STAC: variants seen among roughly 807,000 people sequenced by gnomAD.
STAC encodes the protein SH3 and cysteine-rich domain-containing protein.
In STAC, 43 loss-of-function variants were observed where a neutral mutation model predicts 48.8. The observed-to-expected ratio is 0.88, with a 90% confidence interval of 0.69 to 1.14. The LOEUF is 1.14. Among genes scored for constraint, STAC ranks in the 50% most tolerant of loss-of-function variants. The pLI, the probability that STAC is intolerant of heterozygous loss-of-function variation, is 0.00. For missense variants in STAC, 497 were observed against 504.0 expected, an observed-to-expected ratio of 0.99 and a Z score of 0.13; for synonymous variants, 193 against 179.5, an observed-to-expected ratio of 1.07 and a Z score of -0.60.
intron 10 of STAC, among the ~76,000 whole-genome samples, chr3:36,532,931 T>C (rs1359962034): frequency 6.6e-6 from 1 of 152,228 alleles, no homozygotes; most frequent in Non-Finnish European, 1.5e-5. Context: ...ACATGCCCTG[T>C]GAATTTTATG....
chr3:36,471,078 G>A (rs540409619), intron 2 of STAC, among the ~76,000 whole-genome samples: 108 of 152,172 alleles, frequency 7.1e-4, no homozygotes, highest in Admixed American at 2.2e-3. Flanking sequence ...ACCCGAAACT[G>A]GGAAGAAAAA....
intron 2 of STAC, among the ~76,000 whole-genome samples, chr3:36,453,115 A>G (rs1349879367): frequency 6.6e-6 from 1 of 152,262 alleles, no homozygotes; most frequent in East Asian, 1.9e-4. Context: ...GACTTTGGTC[A>G]TCGTACTACC....
At chr3:36,433,671 T>G (rs1219098528) in intron 1 of STAC, among the ~76,000 whole-genome samples, 1 of 152,186 alleles carries the variant, frequency 6.6e-6, no homozygotes, top group Non-Finnish European at 1.5e-5. Flanking sequence ...ATTTAAAGTC[T>G]TTTGTATTTT....
chr3:36,459,385 T>C (rs759770763), intron 2 of STAC: 2 of 152,142 alleles, frequency 1.3e-5, no homozygotes, highest in Non-Finnish European at 1.5e-5. Flanking sequence ...GAGTTGGGTA[T>C]TGAAGGATGA....
chr3:36,465,553 G>T (rs912682018), intron 2 of STAC, among the ~76,000 whole-genome samples: 10 of 152,006 alleles, frequency 6.6e-5, no homozygotes, highest in Non-Finnish European at 1.3e-4. Context: ...ATCTAGAAGG[G>T]TTTTTCCAAT....
At chr3:36,528,346 G>A (rs1698985212) in intron 8 of STAC, among the ~76,000 whole-genome samples, 1 of 151,978 alleles carries the variant, frequency 6.6e-6, no homozygotes, top group South Asian at 2.1e-4. Context: ...GCAGATGCCT[G>A]TAATCCCAGC....
rs1359359552 is a variant in STAC at position 36,508,491 on chromosome 3, C to T, written c.920+2657C>T. On this transcript the variant is annotated intron_variant, in intron 8 of 10. Coordinates refer to ENST00000273183, the MANE Select transcript of STAC (RefSeq NM_003149.3). Reference sequence around the variant, plus strand: ...GAAGATCCTTGTTAATTTTCTGTCTCATTGATCTGTCTAATATTTACAGTG... The same window carrying T: ...GAAGATCCTTGTTAATTTTCTGTCTTATTGATCTGTCTAATATTTACAGTG... Among the ~76,000 whole-genome samples the T allele has an allele frequency of 7.2e-5, 11 of 152,216 alleles. No homozygotes were observed. The East Asian group carries it at 1.2e-3, about 16-fold the overall frequency.
At chr3:36,385,144 G>A (rs1051342705) in intron 1 of STAC, among the ~76,000 whole-genome samples, 13 of 152,088 alleles carry the variant, frequency 8.5e-5, no homozygotes, top group African/African-American at 3.1e-4. Context: ...AATTAGAATA[G>A]TGTATACATA....
rs1435902292 is a variant in STAC at position 36,510,432 on chromosome 3, T to A, written c.920+4598T>A. Among the ~76,000 whole-genome samples the A allele has an allele frequency of 6.6e-5, 10 of 152,286 alleles. No homozygotes were observed. The East Asian group carries it at 1.9e-3, about 30-fold the overall frequency. ...GGATCTAGAACCAGAACTACTACCT[T>A]TTGACCCAGCAATCCCATTACTGGG... is the stretch of plus-strand genomic sequence containing the variant. On this transcript the variant is annotated intron_variant, in intron 8 of 10. Transcript: ENST00000273183.
intron 1 of STAC, among the ~76,000 whole-genome samples, chr3:36,441,527 G>T (rs1696349177): frequency 6.6e-6 from 1 of 152,036 alleles, no homozygotes; most frequent in South Asian, 2.1e-4. Context: ...CCATATCTTG[G>T]CTATTGTGAA....
intron 8 of STAC, among the ~76,000 whole-genome samples, chr3:36,521,977 T>C (rs1436265253): frequency 6.6e-6 from 1 of 152,016 alleles, no homozygotes; most frequent in Admixed American, 6.6e-5. Flanking sequence ...TAGTCCCAGA[T>C]ACTTGGGAGG....
chr3:36,517,923 T>TCA (rs201428388), intron 8 of STAC, among the ~76,000 whole-genome samples: 18 of 151,780 alleles, frequency 1.2e-4, no homozygotes, highest in African/African-American at 4.4e-4. Context: ...ACACATTCAT[T>TCA]CACACACACA....
intron 6 of STAC, among the ~76,000 whole-genome samples, chr3:36,495,532 C>G (rs1278536348): frequency 6.6e-6 from 1 of 152,212 alleles, no homozygotes; most frequent in Non-Finnish European, 1.5e-5. Context: ...AATCCATCAG[C>G]AAACTCTATC....
intron 1 of STAC, among the ~76,000 whole-genome samples, chr3:36,396,200 C>G (rs1028395138): frequency 6.6e-6 from 1 of 151,806 alleles, no homozygotes; most frequent in Non-Finnish European, 1.5e-5. Flanking sequence ...AGATATTGAA[C>G]CAAAGTTTTA....
intron 1 of STAC, among the ~76,000 whole-genome samples, chr3:36,416,113 G>T (rs1700313854): frequency 2.6e-5 from 4 of 151,996 alleles, no homozygotes; most frequent in Admixed American, 2.6e-4. Flanking sequence ...ATGTTAATTT[G>T]TTCAGTATCC....
intron 6 of STAC, among the ~76,000 whole-genome samples, chr3:36,501,243 T>C (rs1288309122): frequency 6.6e-6 from 1 of 152,036 alleles, no homozygotes; most frequent in East Asian, 1.9e-4. Flanking sequence ...AAAATGAGTG[T>C]TAAAAAAATA....
At chr3:36,403,905 T>C (rs2125629258) in intron 1 of STAC, among the ~76,000 whole-genome samples, 1 of 152,268 alleles carries the variant, frequency 6.6e-6, no homozygotes, top group Middle Eastern at 3.4e-3. Context: ...CAAAAGAGCA[T>C]AGATAGAAAT....
At chr3:36,413,167 C>T (rs56064504) in intron 1 of STAC, among the ~76,000 whole-genome samples, 2 of 152,030 alleles carry the variant, frequency 1.3e-5, no homozygotes, top group Non-Finnish European at 2.9e-5. Context: ...TTGGGGTGGA[C>T]GGTTCTATAG....
intron 1 of STAC, among the ~76,000 whole-genome samples, chr3:36,399,000 G>A (rs73054150): frequency 0.023 from 3,555 of 152,330 alleles, 61 homozygotes; most frequent in East Asian, 0.026. Flanking sequence ...GTGGTCTCAC[G>A]TGAAGTCTTA....
Sources: gnomAD v4.1 joint callset for allele counts (sites outside exome capture counted in the v4.1 genomes callset) on GRCh38, gnomAD v4.1.1 for gene constraint, MANE v1.5 for transcripts, NCBI Gene and HGNC (gene_info 2026-07-23, HGNC 2026-07-21) for gene names.